Variants in KCNIP4 observed in about 807,000 individuals in gnomAD.
KCNIP4 encodes Kv channel-interacting protein 4.
Under a neutral mutation model 34.0 loss-of-function variants are expected in KCNIP4, and 12 were observed. The ratio of observed to expected loss-of-function variants is 0.35; its 90% CI spans 0.23 to 0.57. The LOEUF (loss-of-function observed/expected upper bound fraction) is 0.57, where lower values mean the gene tolerates loss of function less well. KCNIP4 is among the 20% of genes least tolerant of loss of function. The pLI, the probability that KCNIP4 is intolerant of heterozygous loss-of-function variation, is 0.83. For missense variants in KCNIP4, 238 were observed against 311.7 expected, an observed-to-expected ratio of 0.76 and a Z score of 1.78; for synonymous variants, 124 against 102.2, an observed-to-expected ratio of 1.21 and a Z score of -1.29.
chr4:21,014,705 G>A (rs1739350969), intron 1 of KCNIP4, among the ~76,000 whole-genome samples: 1 of 152,138 alleles, frequency 6.6e-6, no homozygotes, highest in Non-Finnish European at 1.5e-5. Context: ...AAAATGGTAT[G>A]GTAGGGCCTC....
intron 1 of KCNIP4, among the ~76,000 whole-genome samples, chr4:21,120,915 A>C (rs1750100517): frequency 6.6e-6 from 1 of 152,196 alleles, no homozygotes; most frequent in African/African-American, 2.4e-5. Context: ...ATTTTGAGGC[A>C]CTAGGGGTTA....
chr4:21,304,061 GAGAGAGAC>G lies in KCNIP4; in HGVS notation c.62-421360_62-421353del, dbSNP rs1413969364. 5.0e-3 allele frequency: 1,992 copies of G among 396,048 alleles called. 26 individuals carry two copies. The highest frequency in any genetic ancestry group is 0.023 in the African/African-American group (476 of 20,808). The allele number at this position is 396,048 out of a possible 1,614,324, so 24.5% of individuals were successfully genotyped here. A position where few individuals can be genotyped will look rare whatever the true frequency, so the allele number is the denominator to read the frequency against. ...AGAGAGAGAGAGAGAGAGAGAGAGA[GAGAGAGAC>G]AGAGAGAGAGAGAGAGACAGAGAGA... On this transcript the variant is annotated intron_variant, in intron 1 of 8. Transcript: ENST00000382152.
chr4:21,868,380 A>G (rs1045876257), intron 1 of KCNIP4, among the ~76,000 whole-genome samples: 3 of 152,208 alleles, frequency 2.0e-5, no homozygotes, highest in Non-Finnish European at 2.9e-5. Context: ...TATCTATAAT[A>G]ACTAAAAATT....
intron 1 of KCNIP4, among the ~76,000 whole-genome samples, chr4:21,540,960 C>G (rs1021344634): frequency 1.3e-5 from 2 of 151,972 alleles, no homozygotes; most frequent in African/African-American, 4.8e-5. Flanking sequence ...CACCTGAGGT[C>G]AGGGGTTTGA....
chr4:21,124,468 G>T (rs542303353), intron 1 of KCNIP4, among the ~76,000 whole-genome samples: 1 of 152,208 alleles, frequency 6.6e-6, no homozygotes, highest in South Asian at 2.1e-4. Context: ...AAAATGAGTC[G>T]TTTGTCTTAC....
At chr4:21,144,752 A>G (rs767833011) in intron 1 of KCNIP4, among the ~76,000 whole-genome samples, 2 of 152,128 alleles carry the variant, frequency 1.3e-5, no homozygotes, top group African/African-American at 2.4e-5. Context: ...AAGTTTGAAA[A>G]CTTAGAGCCA....
chr4:20,730,035 T>C lies in KCNIP4; in HGVS notation c.*47A>G. The C allele has an allele frequency of 6.3e-7, 1 of 1,581,542 alleles. No homozygotes were observed. On this transcript the variant is annotated 3_prime_UTR_variant, in exon 9 of 9. Transcript: ENST00000382152. Reference sequence around the variant, plus strand: ...GTGGTAGCTCCAACTTTAAGGGTGGTAGAATAGTTCACATTTGTCTGTTGG... The same window carrying C: ...GTGGTAGCTCCAACTTTAAGGGTGGCAGAATAGTTCACATTTGTCTGTTGG...
At chr4:20,825,410 GA>G (rs1029745911) in intron 3 of KCNIP4, among the ~76,000 whole-genome samples, 1 of 151,986 alleles carries the variant, frequency 6.6e-6, no homozygotes, top group African/African-American at 2.4e-5. Flanking sequence ...GAAAGTGGTA[GA>G]AAAAAATCTC....
intron 3 of KCNIP4, among the ~76,000 whole-genome samples, chr4:20,801,336 G>A (rs566928340): frequency 6.6e-6 from 1 of 151,118 alleles, no homozygotes; most frequent in African/African-American, 2.4e-5. Flanking sequence ...ACTGTCATAA[G>A]TATATATGCA....
chr4:21,486,333 G>T (rs10031201), intron 1 of KCNIP4, among the ~76,000 whole-genome samples: 1,687 of 152,142 alleles, frequency 0.011, 35 homozygotes, highest in African/African-American at 0.038. Flanking sequence ...ATTGGGACAC[G>T]GATTTAGTAA....
At chr4:21,218,820 T>G (rs969046246) in intron 1 of KCNIP4, among the ~76,000 whole-genome samples, 6 of 152,166 alleles carry the variant, frequency 3.9e-5, no homozygotes, top group Admixed American at 6.5e-5. Context: ...TTATAACTGA[T>G]TTCCAAATAT....
Position 21,870,265 on chromosome 4 carries a change from A to G in KCNIP4, c.61+78306T>C, listed in dbSNP as rs538190347. On this transcript the variant is annotated intron_variant, in intron 1 of 8. Coordinates refer to ENST00000382152, the MANE Select transcript of KCNIP4 (RefSeq NM_025221.6). ...ATACCTAGTAAGGCCTAGAGAAGGG[A>G]ACAAAAGTCTTTTATTTGTGATGTA... Among the ~76,000 whole-genome samples the G allele has an allele frequency of 6.6e-5, 10 of 152,248 alleles. No individual in the cohort carries two copies. In the East Asian group the frequency reaches 1.9e-3, roughly 29 times the overall value.
At position 21,102,999 on chromosome 4, in the gene KCNIP4, T is replaced by C. The variant is rs73802485; in HGVS notation, c.62-220290A>G. On this transcript the variant is annotated intron_variant, in intron 1 of 8. Transcript: ENST00000382152. ...ATAGTTCATTTCCCCTCTTATTAAA[T>C]GTTTATTCTTGTTATATATAAACTC... Among the ~76,000 whole-genome samples, 770 of 152,260 alleles carry C rather than the reference T, an allele frequency of 5.1e-3. 7 individuals are homozygous for C. The highest frequency in any genetic ancestry group is 0.017 in the African/African-American group (701 of 41,558).
chr4:21,172,363 T>C (rs941103611), intron 1 of KCNIP4, among the ~76,000 whole-genome samples: 1 of 152,130 alleles, frequency 6.6e-6, no homozygotes, highest in African/African-American at 2.4e-5. Flanking sequence ...ATTAATCCAT[T>C]TAATACTGAT....
intron 1 of KCNIP4, among the ~76,000 whole-genome samples, chr4:21,493,807 C>T (rs1231939613): frequency 6.6e-6 from 1 of 152,178 alleles, no homozygotes; most frequent in Non-Finnish European, 1.5e-5. Flanking sequence ...TCCACAAAGA[C>T]ATTTGGCTTC....
intron 1 of KCNIP4, among the ~76,000 whole-genome samples, chr4:21,263,181 C>G (rs1238781776): frequency 6.6e-6 from 1 of 152,146 alleles, no homozygotes; most frequent in African/African-American, 2.4e-5. Flanking sequence ...TTGTAATATG[C>G]CGTTCTCCTT....
chr4:21,195,972 C>T (rs1027171750), intron 1 of KCNIP4, among the ~76,000 whole-genome samples: 5 of 152,220 alleles, frequency 3.3e-5, no homozygotes, highest in Non-Finnish European at 5.9e-5. Flanking sequence ...TTGGGCAACT[C>T]AAGTTTCCCG....
At chr4:20,871,854 T>C (rs1723499303) in intron 2 of KCNIP4, among the ~76,000 whole-genome samples, 1 of 152,076 alleles carries the variant, frequency 6.6e-6, no homozygotes, top group Non-Finnish European at 1.5e-5. Flanking sequence ...GATGTGGCAG[T>C]CATGTGGCAA....
rs543844894 is a variant in KCNIP4 at position 21,591,685 on chromosome 4, A to T, written c.61+356886T>A. 2.0e-5 allele frequency among the ~76,000 whole-genome samples: 3 copies of T among 152,114 alleles called. No homozygotes were observed. The South Asian group carries it at 6.2e-4, about 32-fold the overall frequency. On this transcript the variant is annotated intron_variant, in intron 1 of 8. Coordinates refer to ENST00000382152, the MANE Select transcript of KCNIP4 (RefSeq NM_025221.6). Reference sequence around the variant, plus strand: ...TCTGGAGTTAAATAAAATTTTTGAGATGTGCATTTGTTCTATATTTGTATG... The same window carrying T: ...TCTGGAGTTAAATAAAATTTTTGAGTTGTGCATTTGTTCTATATTTGTATG...
Sources: gnomAD v4.1 joint callset for allele counts (sites outside exome capture counted in the v4.1 genomes callset) on GRCh38, gnomAD v4.1.1 for gene constraint, MANE v1.5 for transcripts, NCBI Gene and HGNC (gene_info 2026-07-23, HGNC 2026-07-21) for gene names.